Variants in CFAP90 observed in about 807,000 individuals in gnomAD.
CFAP90 encodes cilia- and flagella-associated protein 90.
chr5:7,831,515 C>G, the CFAP90 span: 13 of 194,972 alleles, frequency 6.7e-5, no homozygotes, highest in African/African-American at 3.0e-4. Flanking sequence ...ACCAACCCAA[C>G]AGTTACCAAG....
At chr5:7,837,262 A>G in the CFAP90 span, among the ~76,000 whole-genome samples, 1 of 152,126 alleles carries the variant, frequency 6.6e-6, no homozygotes, top group African/African-American at 2.4e-5. Context: ...GTATCTAGTA[A>G]AAGAAAAAAG....
the CFAP90 span, among the ~76,000 whole-genome samples, chr5:7,840,486 G>C: frequency 6.6e-6 from 1 of 152,166 alleles, no homozygotes; most frequent in Non-Finnish European, 1.5e-5. Context: ...ATGAACCACA[G>C]AAAAATATAA....
chr5:7,833,985 A>G, the CFAP90 span, among the ~76,000 whole-genome samples: 1 of 152,228 alleles, frequency 6.6e-6, no homozygotes, highest in African/African-American at 2.4e-5. Flanking sequence ...GTACTTGACA[A>G]TAATAATAAA....
the CFAP90 span, chr5:7,850,970 TG>T: frequency 7.6e-7 from 1 of 1,320,534 alleles, no homozygotes; most frequent in East Asian, 2.9e-5. Flanking sequence ...GGCGGCGGCC[TG>T]GGCTTGCCCC....
the CFAP90 span, chr5:7,830,998 T>C: frequency 6.6e-6 from 1 of 152,252 alleles, no homozygotes; most frequent in East Asian, 1.9e-4. Flanking sequence ...GTGTTATGCC[T>C]GTGCTCCAGC....
chr5:7,838,476 G>T, the CFAP90 span, among the ~76,000 whole-genome samples: 1 of 152,194 alleles, frequency 6.6e-6, no homozygotes, highest in African/African-American at 2.4e-5. Context: ...GTAACACACA[G>T]GAAGCCCAAG....
the CFAP90 span, among the ~76,000 whole-genome samples, chr5:7,846,380 TTTCTCAAGG>T: frequency 2.0e-5 from 3 of 152,222 alleles, no homozygotes; most frequent in African/African-American, 4.8e-5. Context: ...CAGATGCTTA[TTTCTCAAGG>T]TTCTCAAGGT....
chr5:7,850,753 T>C, the CFAP90 span: 58 of 820,478 alleles, frequency 7.1e-5, no homozygotes, highest in Non-Finnish European at 7.9e-5. Flanking sequence ...GGGTGATCCC[T>C]TCTCCCCCGC....
chr5:7,844,369 C>T, the CFAP90 span, among the ~76,000 whole-genome samples: 9 of 152,282 alleles, frequency 5.9e-5, no homozygotes, highest in South Asian at 1.7e-3. Flanking sequence ...TTTTGTAAGT[C>T]GGTGACTTAT....
At chr5:7,849,591 G>A in the CFAP90 span, among the ~76,000 whole-genome samples, 1 of 152,196 alleles carries the variant, frequency 6.6e-6, no homozygotes, top group Non-Finnish European at 1.5e-5. Context: ...ACAATGGTGA[G>A]AAGAAAGGAG....
the CFAP90 span, among the ~76,000 whole-genome samples, chr5:7,844,072 C>G: frequency 6.6e-6 from 1 of 152,290 alleles, no homozygotes; most frequent in Admixed American, 6.5e-5. Flanking sequence ...TCACTCATTC[C>G]TCTCTCATAA....
the CFAP90 span, among the ~76,000 whole-genome samples, chr5:7,849,718 CG>C: frequency 6.6e-6 from 1 of 152,176 alleles, no homozygotes. Flanking sequence ...AGGAAATGCA[CG>C]GGCCGGTGTG....
the CFAP90 span, chr5:7,832,111 C>T: frequency 2.1e-6 from 3 of 1,429,432 alleles, no homozygotes; most frequent in Admixed American, 5.8e-5. Flanking sequence ...AGCCTGGGTC[C>T]TGGGAGCTTT....
At chr5:7,847,364 T>G in the CFAP90 span, among the ~76,000 whole-genome samples, 2 of 152,214 alleles carry the variant, frequency 1.3e-5, no homozygotes, top group Non-Finnish European at 2.9e-5. Context: ...GGAAAAAAAT[T>G]GTTTTTTCAA....
the CFAP90 span, chr5:7,850,920 C>T: frequency 7.3e-7 from 1 of 1,361,174 alleles, no homozygotes; most frequent in Non-Finnish European, 9.5e-7. Flanking sequence ...GGTCCAGGCG[C>T]CGCGGCGGGA....
chr5:7,839,379 T>G, the CFAP90 span, among the ~76,000 whole-genome samples: 2 of 152,216 alleles, frequency 1.3e-5, no homozygotes, highest in African/African-American at 4.8e-5. Flanking sequence ...TCTTGTATTT[T>G]CTTCTGCACA....
the CFAP90 span, among the ~76,000 whole-genome samples, chr5:7,849,441 TCAAGCCACCAGGA>T: frequency 6.6e-6 from 1 of 152,106 alleles, no homozygotes; most frequent in African/African-American, 2.4e-5. Flanking sequence ...CTCTACCCAC[TCAAGCCACCAGGA>T]CAGCTAGAAT....
the CFAP90 span, chr5:7,850,781 C>T: frequency 5.1e-6 from 6 of 1,166,454 alleles, no homozygotes; most frequent in Non-Finnish European, 5.3e-6. Context: ...CGGCCGCCCG[C>T]CCCTGCCCAG....
the CFAP90 span, among the ~76,000 whole-genome samples, chr5:7,838,262 T>C: frequency 1.1e-4 from 16 of 152,244 alleles, no homozygotes; most frequent in South Asian, 1.7e-3. Context: ...AGGAAAAATG[T>C]CAGAAAATAT....
Sources: gnomAD v4.1 joint callset for allele counts (sites outside exome capture counted in the v4.1 genomes callset) on GRCh38, gnomAD v4.1.1 for gene constraint, MANE v1.5 for transcripts, NCBI Gene and HGNC (gene_info 2026-07-23, HGNC 2026-07-21) for gene names.